Variants in SMAD7 observed in about 807,000 individuals in gnomAD.
SMAD7 encodes the protein MAD (mothers against decapentaplegic, Drosophila) homolog 7.
SMAD7 carries 8 observed loss-of-function variants against 38.7 expected under a neutral mutation model. The ratio of observed to expected loss-of-function variants is 0.21; its 90% CI spans 0.12 to 0.37. The LOEUF (loss-of-function observed/expected upper bound fraction) is 0.37, where lower values mean the gene tolerates loss of function less well. SMAD7 is among the 10% of genes least tolerant of loss of function. SMAD7 has a pLI of 1.00. For missense variants in SMAD7, 477 were observed against 577.9 expected, an observed-to-expected ratio of 0.83 and a Z score of 1.79; for synonymous variants, 327 against 265.1, an observed-to-expected ratio of 1.23 and a Z score of -2.27.
chr18:48,924,161 G>C (rs1032312855), intron 3 of SMAD7, among the ~76,000 whole-genome samples: 1 of 140,534 alleles, frequency 7.1e-6, no homozygotes, highest in South Asian at 2.4e-4. Flanking sequence ...TTCCCAATTC[G>C]GGACAACAAA....
intron 3 of SMAD7, among the ~76,000 whole-genome samples, chr18:48,933,077 A>C (rs923915654): frequency 1.3e-5 from 2 of 152,130 alleles, no homozygotes; most frequent in African/African-American, 2.4e-5. Context: ...GTCATCTTAC[A>C]ATCAGCAAGA....
In SMAD7 at chr18:48,942,556, CT is replaced by C. The variant is rs2070153204; in HGVS notation, c.668-2del. The C allele has an allele frequency of 6.2e-7, 1 of 1,613,482 alleles. No homozygotes were observed. Among genetic ancestry groups the C allele is most frequent in the Non-Finnish European group, 8.5e-7 (1 of 1,179,738 alleles). ...GAAGGCACAGCATCTGGACAGTCTG[CT>C]GTGGATTTGAAAAGGGGAGAGAAAG... On this transcript the variant is annotated splice_acceptor_variant, in intron 2 of 3. Transcript: ENST00000262158. LOFTEE classifies it high-confidence loss of function.
chr18:48,939,670 C>T (rs1357468637), intron 3 of SMAD7, among the ~76,000 whole-genome samples: 1 of 151,960 alleles, frequency 6.6e-6, no homozygotes, highest in Non-Finnish European at 1.5e-5. Flanking sequence ...GACCTTCCTC[C>T]CACCCTAAAC....
intron 3 of SMAD7, among the ~76,000 whole-genome samples, chr18:48,933,040 A>G (rs954219542): frequency 1.3e-5 from 2 of 152,152 alleles, no homozygotes; most frequent in Admixed American, 6.5e-5. Flanking sequence ...AGGGTGGATT[A>G]TAACCACAGC....
In SMAD7 at chr18:48,921,287, G is replaced by T; in HGVS notation, c.*85C>A. 1 of 1,216,852 alleles carries T rather than the reference G, an allele frequency of 8.2e-7. No individual in the cohort carries two copies. The highest frequency in any genetic ancestry group is 1.1e-6 in the Non-Finnish European group (1 of 878,914). 75.4% of individuals were successfully genotyped at this position (1,216,852 alleles called of 1,614,324 possible). On this transcript the variant is annotated 3_prime_UTR_variant, in exon 4 of 4. Transcript: ENST00000262158. The surrounding 1 kb of genome is among the most constrained non-coding windows in gnomAD (Gnocchi z 6.4). ...AACGACCAAAGAGTTTGCATGAAAAGCAAGCACTCAGGAGGAAAATATTAG... is the reference window on the plus strand; with the variant it reads ...AACGACCAAAGAGTTTGCATGAAAATCAAGCACTCAGGAGGAAAATATTAG...
At position 48,920,655 on chromosome 18, in the gene SMAD7, G is replaced by A. The variant is rs192920849; in HGVS notation, c.*717C>T. On this transcript the variant is annotated 3_prime_UTR_variant, in exon 4 of 4. Coordinates refer to ENST00000262158, the MANE Select transcript of SMAD7 (RefSeq NM_005904.4). Reference sequence around the variant, plus strand: ...GAGCAGATGGCCAAAAAAGAAAGACGCTACAATGGCAGGGGCTGGCAGGAA... The same window carrying A: ...GAGCAGATGGCCAAAAAAGAAAGACACTACAATGGCAGGGGCTGGCAGGAA... 2.0e-4 allele frequency: 31 copies of A among 152,734 alleles called. No homozygotes were observed. In the East Asian group the frequency reaches 4.8e-3, roughly 24 times the overall value. The allele number at this position is 152,734 out of a possible 1,614,324, so 9.5% of individuals were successfully genotyped here. A position where few individuals can be genotyped will look rare whatever the true frequency, so the allele number is the denominator to read the frequency against.
chr18:48,924,711 C>G (rs1193695934), intron 3 of SMAD7, among the ~76,000 whole-genome samples: 1 of 152,170 alleles, frequency 6.6e-6, no homozygotes, highest in Admixed American at 6.5e-5. Context: ...CCCTCGCTGT[C>G]CCCTCCAGCT....
At chr18:48,923,597 G>A (rs530932342) in intron 3 of SMAD7, among the ~76,000 whole-genome samples, 4 of 152,224 alleles carry the variant, frequency 2.6e-5, no homozygotes, top group Admixed American at 1.3e-4. Flanking sequence ...CCAGAGCAGC[G>A]GTTCCCTACA....
intron 1 of SMAD7, 26 bp downstream of exon 1, chr18:48,949,786 T>G: frequency 6.4e-7 from 1 of 1,560,122 alleles, no homozygotes; most frequent in Non-Finnish European, 8.7e-7. Flanking sequence ...CCGGAAAATG[T>G]TGGGGGTAGG....
intron 2 of SMAD7, among the ~76,000 whole-genome samples, chr18:48,947,894 C>CA (rs1055224339): frequency 9.6e-5 from 7 of 73,094 alleles, no homozygotes; most frequent in Non-Finnish European, 3.1e-5. Flanking sequence ...AGGAACCTAC[C>CA]CCCCCCCCCC....
At chr18:48,928,880 G>A (rs989750137) in intron 3 of SMAD7, among the ~76,000 whole-genome samples, 2 of 152,098 alleles carry the variant, frequency 1.3e-5, no homozygotes, top group Non-Finnish European at 2.9e-5. Flanking sequence ...GGCAGGGGAG[G>A]AAAGCCACAC....
intron 2 of SMAD7, among the ~76,000 whole-genome samples, chr18:48,943,843 C>G (rs556764397): frequency 0.013 from 1,989 of 151,052 alleles, 50 homozygotes; most frequent in African/African-American, 0.047. Flanking sequence ...TGTCTGCCCT[C>G]TTAATGCTAA....
rs751537925 is a variant in SMAD7 at position 48,948,373 on chromosome 18, C to T, written c.667+11G>A. ...AAGATAAGCAGGATATTTTAAAAAT[C>T]ATCTACTCACCAGTTGGTTTGAGAA... On this transcript the variant is annotated intron_variant, in intron 2 of 3. Transcript: ENST00000262158. 1.3e-6 allele frequency: 2 copies of T among 1,572,946 alleles called. No individual in the cohort carries two copies. The highest frequency in any genetic ancestry group is 1.4e-5 in the African/African-American group (1 of 73,302).
chr18:48,929,954 G>A (rs150499123), intron 3 of SMAD7, among the ~76,000 whole-genome samples: 212 of 151,932 alleles, frequency 1.4e-3, no homozygotes, highest in Non-Finnish European at 2.4e-3. Context: ...CCCCTCCCCC[G>A]GCTCCCCTTG....
chr18:48,923,002 C>T (rs1599218727), intron 3 of SMAD7, among the ~76,000 whole-genome samples: 1 of 152,196 alleles, frequency 6.6e-6, no homozygotes, highest in South Asian at 2.1e-4. Context: ...TCTGACTCCT[C>T]CTTAAGTAGG....
chr18:48,938,200 G>C (rs547707271), intron 3 of SMAD7, among the ~76,000 whole-genome samples: 56 of 152,328 alleles, frequency 3.7e-4, no homozygotes, highest in African/African-American at 1.3e-3. Context: ...GACTATGACA[G>C]ATGCCAGCAA....
intron 3 of SMAD7, among the ~76,000 whole-genome samples, chr18:48,939,382 C>G (rs1422807136): frequency 7.1e-6 from 1 of 141,594 alleles, no homozygotes; most frequent in Non-Finnish European, 1.5e-5. Flanking sequence ...CCCACCCCCC[C>G]ACACCCCCCC....
chr18:48,932,815 C>G (rs954387744), intron 3 of SMAD7, among the ~76,000 whole-genome samples: 3 of 152,230 alleles, frequency 2.0e-5, no homozygotes, highest in African/African-American at 7.2e-5. Context: ...CTTCATCCCC[C>G]AGATGGTCTT....
intron 3 of SMAD7, among the ~76,000 whole-genome samples, chr18:48,927,968 G>C (rs371529903): frequency 6.6e-6 from 1 of 152,210 alleles, no homozygotes; most frequent in Non-Finnish European, 1.5e-5. Context: ...ATATTGCCTG[G>C]TGTGAGCTGT....
Sources: gnomAD v4.1 joint callset for allele counts (sites outside exome capture counted in the v4.1 genomes callset) on GRCh38, gnomAD v4.1.1 for gene constraint, Gnocchi (gnomAD v3.1) non-coding constraint, MANE v1.5 for transcripts, NCBI Gene and HGNC (gene_info 2026-07-23, HGNC 2026-07-21) for gene names.